The following RABGAP1L variants were observed in gnomAD, a reference collection of about 807,000 sequenced individuals.
The protein encoded by RABGAP1L is rab GTPase-activating protein 1-like.
A neutral mutation model predicts 137.7 loss-of-function variants in RABGAP1L; 63 were observed. That is an observed-to-expected ratio of 0.46 (90% confidence interval 0.37 to 0.56). The LOEUF (loss-of-function observed/expected upper bound fraction) is 0.56, where lower values mean the gene tolerates loss of function less well. Among genes scored for constraint, RABGAP1L ranks in the 20% least tolerant of loss-of-function variants. The pLI, the probability that RABGAP1L is intolerant of heterozygous loss-of-function variation, is 0.00. For missense variants in RABGAP1L, 1,095 were observed against 1,244.0 expected, an observed-to-expected ratio of 0.88 and a Z score of 1.80; for synonymous variants, 431 against 433.7, an observed-to-expected ratio of 0.99 and a Z score of 0.08.
At chr1:174,900,162 G>C (rs1657904078) in intron 19 of RABGAP1L, among the ~76,000 whole-genome samples, 1 of 152,218 alleles carries the variant, frequency 6.6e-6, no homozygotes, top group Admixed American at 6.5e-5. Context: ...GTTGCCAGTA[G>C]AAGGTGTTCA....
chr1:174,197,672 C>T (rs766164375), intron 1 of RABGAP1L, among the ~76,000 whole-genome samples: 6 of 151,878 alleles, frequency 4.0e-5, no homozygotes, highest in Admixed American at 6.6e-5. Context: ...TGGTTGCGGG[C>T]GCATGTAATC....
Position 174,519,303 on chromosome 1 carries a change from C to G in RABGAP1L, c.1711-118072C>G, listed in dbSNP as rs565805093. 2.0e-5 allele frequency among the ~76,000 whole-genome samples: 3 copies of G among 152,050 alleles called. No individual in the cohort carries two copies. In the East Asian group the frequency reaches 5.8e-4, roughly 29 times the overall value. On this transcript the variant is annotated intron_variant, in intron 13 of 25. Transcript: ENST00000681986. The stretch of plus-strand genomic sequence containing the variant: ...ACAAGTTCCCACAACAGGCTGTCTG[C>G]AAGCTTGAGGAGCAAGGAGAGTCAG...
At chr1:174,539,133 G>A (rs1481131191) in intron 13 of RABGAP1L, among the ~76,000 whole-genome samples, 1 of 151,838 alleles carries the variant, frequency 6.6e-6, no homozygotes, top group Non-Finnish European at 1.5e-5. Flanking sequence ...CCTAATACTG[G>A]CCCATAGTAA....
chr1:174,784,478 G>T (rs909064213), intron 18 of RABGAP1L, among the ~76,000 whole-genome samples: 1 of 151,948 alleles, frequency 6.6e-6, no homozygotes, highest in African/African-American at 2.4e-5. Context: ...CTATATTGTG[G>T]TGGGAGGTGG....
intron 13 of RABGAP1L, among the ~76,000 whole-genome samples, chr1:174,396,528 G>C (rs1215362370): frequency 6.6e-6 from 1 of 151,740 alleles, no homozygotes; most frequent in Non-Finnish European, 1.5e-5. Flanking sequence ...TTTATCGATG[G>C]AGTATCTGAT....
intron 22 of RABGAP1L, among the ~76,000 whole-genome samples, chr1:174,978,272 A>G (rs1366869456): frequency 6.6e-6 from 1 of 152,214 alleles, no homozygotes; most frequent in African/African-American, 2.4e-5. Context: ...TTCTAAAGTC[A>G]GTTTCTTTAG....
At chr1:174,383,364 C>T (rs1192955259) in intron 12 of RABGAP1L, among the ~76,000 whole-genome samples, 5 of 151,074 alleles carry the variant, frequency 3.3e-5, no homozygotes, top group African/African-American at 9.7e-5. Context: ...CAAGCCTGGG[C>T]AATGGCGGGC....
chr1:174,942,883 G>A (rs1426622830), intron 19 of RABGAP1L, among the ~76,000 whole-genome samples: 1 of 152,190 alleles, frequency 6.6e-6, no homozygotes, highest in Non-Finnish European at 1.5e-5. Context: ...TGTGGAACCT[G>A]TCACATTCTA....
chr1:174,931,143 T>G (rs1558246577), intron 19 of RABGAP1L, among the ~76,000 whole-genome samples: 1 of 152,216 alleles, frequency 6.6e-6, no homozygotes, highest in African/African-American at 2.4e-5. Context: ...TATTTTACAA[T>G]ATACTGTGGG....
At chr1:174,523,997 T>C (rs1053705247) in intron 13 of RABGAP1L, among the ~76,000 whole-genome samples, 2 of 152,212 alleles carry the variant, frequency 1.3e-5, no homozygotes, top group African/African-American at 4.8e-5. Flanking sequence ...AGTCTTCCAT[T>C]GTATATATGT....
At chr1:174,320,638 T>A (rs1282764452) in intron 11 of RABGAP1L, among the ~76,000 whole-genome samples, 1 of 152,214 alleles carries the variant, frequency 6.6e-6, no homozygotes, top group East Asian at 1.9e-4. Flanking sequence ...CTTTTATAAT[T>A]TCTTATGCCT....
At chr1:174,970,725 G>A (rs1670056968) in intron 21 of RABGAP1L, among the ~76,000 whole-genome samples, 2 of 151,384 alleles carry the variant, frequency 1.3e-5, no homozygotes, top group South Asian at 4.2e-4. Flanking sequence ...GACTTGTAAA[G>A]CTATCCTAAA....
At chr1:174,543,264 G>T (rs1217871365) in intron 13 of RABGAP1L, among the ~76,000 whole-genome samples, 3 of 152,166 alleles carry the variant, frequency 2.0e-5, no homozygotes, top group Non-Finnish European at 4.4e-5. Flanking sequence ...CTTGCTTTAT[G>T]AATCTGGATG....
chr1:174,948,913 T>C (rs1195585863), intron 19 of RABGAP1L: 1 of 152,196 alleles, frequency 6.6e-6, no homozygotes, highest in East Asian at 1.9e-4. Flanking sequence ...ATACCACCAA[T>C]ATATGTATAT....
intron 11 of RABGAP1L, among the ~76,000 whole-genome samples, chr1:174,310,445 CTT>C (rs1678718090): frequency 6.6e-6 from 1 of 152,162 alleles, no homozygotes; most frequent in Non-Finnish European, 1.5e-5. Flanking sequence ...GATGGAATGT[CTT>C]ATATATTATT....
chr1:174,483,656 G>A (rs992730189), intron 13 of RABGAP1L, among the ~76,000 whole-genome samples: 10 of 152,062 alleles, frequency 6.6e-5, no homozygotes, highest in South Asian at 2.1e-4. Context: ...GTGAAACCTC[G>A]TCTCTACTAA....
intron 13 of RABGAP1L, among the ~76,000 whole-genome samples, chr1:174,635,363 G>T (rs947470382): frequency 6.6e-6 from 1 of 152,176 alleles, no homozygotes; most frequent in African/African-American, 2.4e-5. Flanking sequence ...TAGTTTATAA[G>T]TGGAAACTAT....
chr1:174,949,288 A>T (rs1667370293), intron 19 of RABGAP1L, among the ~76,000 whole-genome samples: 1 of 152,258 alleles, frequency 6.6e-6, no homozygotes, highest in Non-Finnish European at 1.5e-5. Context: ...GCTGCCCAAT[A>T]GCAAAAAGAT....
Position 174,968,180 on chromosome 1 carries a change from C to T in RABGAP1L, c.2434-1097C>T, listed in dbSNP as rs148248399. On this transcript the variant is annotated intron_variant, in intron 20 of 25. Coordinates refer to ENST00000681986, the MANE Select transcript of RABGAP1L (RefSeq NM_001366446.1). The stretch of plus-strand genomic sequence containing the variant: ...GAAGATACAATTAACTTCACATTAC[C>T]TGGTATGCTATGATAAACTATCTTC... Among the ~76,000 whole-genome samples, 122 of 152,330 alleles carry T rather than the reference C, an allele frequency of 8.0e-4. 1 individual carries two copies. Among genetic ancestry groups the T allele is most frequent in the African/African-American group, 2.7e-3 (114 of 41,564 alleles).
Sources: allele counts gnomAD v4.1 joint callset (sites outside exome capture counted in the v4.1 genomes callset), GRCh38; gene constraint gnomAD v4.1.1; transcripts MANE v1.5; gene names NCBI Gene and HGNC (gene_info 2026-07-23, HGNC 2026-07-21).